ZAN: variants seen among roughly 807,000 people sequenced by gnomAD.
ZAN encodes the protein zonadhesin (gene/pseudogene).
ZAN carries 260 observed loss-of-function variants against 286.2 expected under a neutral mutation model. The observed-to-expected ratio is 0.91, with a 90% CI of 0.82 to 1.01. The LOEUF is 1.01. Among genes scored for constraint, ZAN ranks in the 50% least tolerant of loss-of-function variants. The pLI is 0.00. For missense variants in ZAN, 3,410 were observed against 3,639.2 expected, an observed-to-expected ratio of 0.94 and a Z score of 1.62; for synonymous variants, 1,368 against 1,417.5, an observed-to-expected ratio of 0.97 and a Z score of 0.79.
chr7:100,791,905 T>A, intron 40 of ZAN, 61 bp from the exon 41 acceptor site: 1 of 1,529,940 alleles, frequency 6.5e-7, no homozygotes, highest in Non-Finnish European at 8.8e-7. Flanking sequence ...TCAGTTCTTC[T>A]TCTTCCCCCA....
chr7:100,795,793 C>T (rs1214250740), intron 45 of ZAN, among the ~76,000 whole-genome samples: 9 of 151,908 alleles, frequency 5.9e-5, no homozygotes, highest in Non-Finnish European at 1.5e-5. Flanking sequence ...GTAGTCCCAG[C>T]TACTCGGGAG....
At chr7:100,762,447 ATG>A in intron 20 of ZAN, 89 bp downstream of exon 20, 1 of 1,209,858 alleles carries the variant, frequency 8.3e-7, no homozygotes, top group Non-Finnish European at 1.1e-6. Flanking sequence ...TTTTTTTGAG[ATG>A]GAGTCTCCTT....
At chr7:100,748,985 T>A (rs1239654919) in intron 11 of ZAN, among the ~76,000 whole-genome samples, 1 of 151,998 alleles carries the variant, frequency 6.6e-6, no homozygotes, top group Non-Finnish European at 1.5e-5. Context: ...CAGTGAGCTA[T>A]GATTGAACCA....
intron 34 of ZAN, among the ~76,000 whole-genome samples, chr7:100,778,250 T>C (rs1306491353): frequency 1.3e-5 from 2 of 152,152 alleles, no homozygotes; most frequent in Non-Finnish European, 2.9e-5. Flanking sequence ...AAGGCTACAG[T>C]GAGCTATGAT....
chr7:100,785,621 G>T (rs1187972292), intron 36 of ZAN, among the ~76,000 whole-genome samples: 1 of 151,820 alleles, frequency 6.6e-6, no homozygotes, highest in African/African-American at 2.4e-5. Flanking sequence ...CAGGCTGCTG[G>T]GGCAAGAGGA....
At chr7:100,755,004 G>A (rs1562928490) in intron 14 of ZAN, among the ~76,000 whole-genome samples, 1 of 151,890 alleles carries the variant, frequency 6.6e-6, no homozygotes, top group Non-Finnish European at 1.5e-5. Context: ...TGCACAGCCT[G>A]GTCTCAAACT....
At chr7:100,754,808 G>T (rs1167253274) in intron 14 of ZAN, among the ~76,000 whole-genome samples, 2 of 151,858 alleles carry the variant, frequency 1.3e-5, no homozygotes, top group Non-Finnish European at 2.9e-5. Flanking sequence ...GGATTACAGG[G>T]GTGAGCCACT....
chr7:100,796,110 A>C (rs1812347201), intron 45 of ZAN, among the ~76,000 whole-genome samples: 1 of 151,816 alleles, frequency 6.6e-6, no homozygotes, highest in African/African-American at 2.4e-5. Context: ...AAAACAAAAC[A>C]AAAAACTAGT....
intron 40 of ZAN, among the ~76,000 whole-genome samples, chr7:100,791,425 CCTA>C (rs893077323): frequency 5.9e-5 from 9 of 152,074 alleles, no homozygotes; most frequent in East Asian, 1.9e-4. Context: ...TTCTCCTCCT[CCTA>C]CTTCTTCTTC....
At chr7:100,738,877 C>T (rs370133868) in intron 7 of ZAN, among the ~76,000 whole-genome samples, 6,286 of 14,102 alleles carry the variant, frequency 0.45, 1,169 homozygotes, top group Middle Eastern at 0.52. Flanking sequence ...TTCTTCTTCT[C>T]CCTCTCCCTC....
chr7:100,766,170 A>T (rs1047669668), intron 23 of ZAN, among the ~76,000 whole-genome samples: 3 of 151,138 alleles, frequency 2.0e-5, no homozygotes, highest in African/African-American at 4.9e-5. Flanking sequence ...TATTTTTAGT[A>T]CAGATGGGGT....
At chr7:100,793,777 C>T (rs775772330) in intron 42 of ZAN, 43 bp from the exon 43 acceptor site, 2 of 1,536,856 alleles carry the variant, frequency 1.3e-6, no homozygotes, top group South Asian at 1.3e-5. Flanking sequence ...CCTGTTTGGC[C>T]TGCCCAGCCC....
In ZAN at chr7:100,735,908, A is replaced by T. The variant is rs1320507344; in HGVS notation, c.106+136A>T. The stretch of plus-strand genomic sequence containing the variant: ...CCTCCGGGCATCAGCCAGGACTACA[A>T]AATGTGTCCTGCCAGGCCAAGTCCA... On this transcript the variant is annotated intron_variant, in intron 3 of 47. Transcript: ENST00000613979. 23 of 695,080 alleles carry T rather than the reference A, an allele frequency of 3.3e-5. 3 individuals are homozygous for T. The East Asian group carries it at 6.8e-4, about 20-fold the overall frequency. The allele number at this position is 695,080 out of a possible 1,614,324, so 43.1% of individuals were successfully genotyped here.
Position 100,784,667 on chromosome 7 carries a change from T to C in ZAN, c.6667T>C (p.Ser2223Pro), listed in dbSNP as rs1421703782. Residue 2223 changes from serine to proline, a missense_variant, in exon 36 of 48, where the codon TCC becomes CCC. By Grantham distance (74) the Ser-to-Pro change is moderately conservative. Coordinates refer to ENST00000613979, the MANE Select transcript of ZAN (RefSeq NM_003386.3). ...CAGCAGCTACACCAACTGCCTTCCC[T>C]CCTGCTCACCCTCCTGCTGGGACCT... is the stretch of plus-strand genomic sequence containing the variant. ...AYSSYTNCLP[S>P]CSPSCWDLDG... The C allele has an allele frequency of 1.9e-6, 3 of 1,613,748 alleles. No individual in the cohort carries two copies. The highest frequency in any genetic ancestry group is 2.5e-6 in the Non-Finnish European group (3 of 1,179,868).
chr7:100,786,431 G>C (rs1167931988), intron 37 of ZAN, among the ~76,000 whole-genome samples: 1 of 152,102 alleles, frequency 6.6e-6, no homozygotes, highest in African/African-American at 2.4e-5. Context: ...TTTTGAGATA[G>C]GGTCTTGCTC....
intron 14 of ZAN, 25 bp from the exon 15 acceptor site, chr7:100,755,201 A>G: frequency 1.9e-6 from 3 of 1,595,060 alleles, no homozygotes; most frequent in African/African-American, 1.3e-5. Context: ...GAATGAAAGC[A>G]TGACAGAGGC....
At chr7:100,784,037 C>G (rs1811394113) in intron 35 of ZAN, among the ~76,000 whole-genome samples, 1 of 150,696 alleles carries the variant, frequency 6.6e-6, no homozygotes, top group South Asian at 2.1e-4. Context: ...CTCTTGCTGT[C>G]AACACACCTA....
chr7:100,797,632 C>A lies in ZAN; in HGVS notation c.8413+9C>A. 1 of 1,613,996 alleles carries A rather than the reference C, an allele frequency of 6.2e-7. No homozygotes were observed. ...CAGGCTGGTGGACACAGGTGAGAAC[C>A]AACCCCACAGCCCGGAACCTCGGGG... On this transcript the variant is annotated intron_variant, in intron 47 of 47. Coordinates refer to ENST00000613979, the MANE Select transcript of ZAN (RefSeq NM_003386.3).
chr7:100,793,793 A>T (rs765203782), intron 42 of ZAN, 27 bp from the exon 43 acceptor site: 8 of 1,555,278 alleles, frequency 5.1e-6, no homozygotes, highest in Non-Finnish European at 7.0e-6. Context: ...AGCCCCAGCC[A>T]GTTTCTGACC....
Sources: allele counts gnomAD v4.1 joint callset (sites outside exome capture counted in the v4.1 genomes callset), GRCh38; gene constraint gnomAD v4.1.1; transcripts MANE v1.5; gene names NCBI Gene and HGNC (gene_info 2026-07-23, HGNC 2026-07-21).